ZNF69: variants seen among roughly 807,000 people sequenced by gnomAD.
ZNF69 encodes ZNF3.
ZNF69 carries 47 observed loss-of-function variants against 50.9 expected under a neutral mutation model. The ratio of observed to expected loss-of-function variants is 0.92; its 90% CI spans 0.73 to 1.18. ZNF69 has a LOEUF of 1.18. Among genes scored for constraint, ZNF69 ranks in the 50% most tolerant of loss-of-function variants. The pLI, the probability that ZNF69 is intolerant of heterozygous loss-of-function variation, is 0.00. For synonymous variants in ZNF69, 216 were observed against 223.1 expected (o/e 0.97, Z 0.29); for missense variants, 717 against 675.1 (o/e 1.06, Z -0.69).
the ZNF69 span, among the ~76,000 whole-genome samples, chr19:11,924,611 G>A: frequency 3.9e-5 from 6 of 152,098 alleles, no homozygotes; most frequent in African/African-American, 1.4e-4. Flanking sequence ...GATCTGAAAG[G>A]AGGAAGCATT....
intron 4 of ZNF69, among the ~76,000 whole-genome samples, chr19:11,912,166 A>T (rs1385048425): frequency 6.6e-6 from 1 of 152,172 alleles, no homozygotes; most frequent in Non-Finnish European, 1.5e-5. Flanking sequence ...TGTTGAATTC[A>T]TGAAAGGACA....
At chr19:11,897,842 A>C (rs1377339142) in intron 1 of ZNF69, among the ~76,000 whole-genome samples, 2 of 150,526 alleles carry the variant, frequency 1.3e-5, no homozygotes, top group African/African-American at 2.4e-5. Flanking sequence ...ACTGCACTCC[A>C]GCCTGGGTGA....
the ZNF69 span, among the ~76,000 whole-genome samples, chr19:11,968,131 C>T: frequency 1.3e-5 from 2 of 152,152 alleles, no homozygotes; most frequent in Non-Finnish European, 2.9e-5. Context: ...CAAGATGGAG[C>T]TGATTGGTCT....
At chr19:11,900,960 T>G (rs976691685) in intron 1 of ZNF69, among the ~76,000 whole-genome samples, 1 of 152,246 alleles carries the variant, frequency 6.6e-6, no homozygotes, top group African/African-American at 2.4e-5. Flanking sequence ...GCATTTTCCA[T>G]TTAAGTAAAT....
At chr19:11,926,776 G>A in the ZNF69 span, 3 of 154,138 alleles carry the variant, frequency 1.9e-5, no homozygotes, top group Non-Finnish European at 2.9e-5. Context: ...ATGCTTGATT[G>A]GTTGCAGAGA....
At chr19:11,978,210 G>A in the ZNF69 span, 26 of 1,613,638 alleles carry the variant, frequency 1.6e-5, no homozygotes, top group Non-Finnish European at 2.0e-5. Flanking sequence ...GAACTTCCAG[G>A]AGAAGAAAGC....
Position 11,906,331 on chromosome 19 carries a change from C to G in ZNF69, c.*233C>G. On this transcript the variant is annotated 3_prime_UTR_variant, in exon 4 of 4. Transcript: ENST00000429654. ...TGACAGCTTTGAAGAGAGTAGCAGTCCTCCCAGCATGGAGTTTGAGATCTA... is the reference window on the plus strand; with the variant it reads ...TGACAGCTTTGAAGAGAGTAGCAGTGCTCCCAGCATGGAGTTTGAGATCTA... The G allele has an allele frequency of 8.3e-7, 1 of 1,201,060 alleles. No homozygotes were observed. Among genetic ancestry groups the G allele is most frequent in the African/African-American group, 1.5e-5 (1 of 64,912 alleles). 74.4% of individuals were successfully genotyped at this position (1,201,060 alleles called of 1,614,324 possible). A position where few individuals can be genotyped will look rare whatever the true frequency, so the allele number is the denominator to read the frequency against.
At chr19:11,899,613 C>G (rs1461670387) in intron 1 of ZNF69, among the ~76,000 whole-genome samples, 2 of 152,046 alleles carry the variant, frequency 1.3e-5, no homozygotes, top group African/African-American at 4.8e-5. Flanking sequence ...CTGGTAGATA[C>G]AGTGTGAGAA....
the ZNF69 span, among the ~76,000 whole-genome samples, chr19:11,954,321 T>C: frequency 3.9e-5 from 6 of 152,208 alleles, no homozygotes; most frequent in African/African-American, 1.4e-4. Context: ...GACCTTTTTA[T>C]GCAGATGAAG....
the ZNF69 span, among the ~76,000 whole-genome samples, chr19:11,929,455 G>T: frequency 6.7e-6 from 1 of 148,352 alleles, no homozygotes; most frequent in African/African-American, 2.6e-5. Flanking sequence ...GAACCACTGC[G>T]CCCGGCCTGA....
chr19:11,948,332 C>T, the ZNF69 span: 1 of 1,613,864 alleles, frequency 6.2e-7, no homozygotes, highest in East Asian at 2.2e-5. Flanking sequence ...TGTGGAGAAA[C>T]TTTTACCCAG....
chr19:11,930,520 A>G, the ZNF69 span, among the ~76,000 whole-genome samples: 1 of 148,636 alleles, frequency 6.7e-6, no homozygotes, highest in Non-Finnish European at 1.5e-5. Context: ...AAGGTAACAT[A>G]TCAATATAAG....
the ZNF69 span, chr19:11,956,722 G>A: frequency 2.6e-6 from 1 of 389,134 alleles, no homozygotes; most frequent in Non-Finnish European, 4.5e-6. Context: ...CAGGTGTAGG[G>A]GCTCAAGCCT....
At chr19:11,903,449 A>G in intron 1 of ZNF69, 124 bp from the exon 2 acceptor site, 1 of 1,465,288 alleles carries the variant, frequency 6.8e-7, no homozygotes, top group Non-Finnish European at 9.2e-7. Context: ...AAGTATACAC[A>G]GGGAGAAAGA....
At chr19:11,977,309 T>C in the ZNF69 span, 10 of 1,606,072 alleles carry the variant, frequency 6.2e-6, no homozygotes, top group Non-Finnish European at 8.5e-6. Context: ...AGACATAGAA[T>C]CTAATAATTT....
chr19:11,938,089 G>C, the ZNF69 span, among the ~76,000 whole-genome samples: 830 of 151,954 alleles, frequency 5.5e-3, 6 homozygotes, highest in African/African-American at 0.02. Context: ...TTCGTTTGGA[G>C]ACGGAGTCTC....
the ZNF69 span, among the ~76,000 whole-genome samples, chr19:11,960,939 A>G: frequency 6.6e-6 from 1 of 152,100 alleles, no homozygotes; most frequent in African/African-American, 2.4e-5. Flanking sequence ...TCTTTTATAG[A>G]CTTCCATTTG....
the ZNF69 span, among the ~76,000 whole-genome samples, chr19:11,963,552 C>T: frequency 6.6e-6 from 1 of 152,142 alleles, no homozygotes; most frequent in African/African-American, 2.4e-5. Flanking sequence ...TGACTCTCTT[C>T]CCCCTCCTCA....
At chr19:11,909,046 C>G (rs567506463), downstream of ZNF69, among the ~76,000 whole-genome samples, 1 of 152,322 alleles carries the variant, frequency 6.6e-6, no homozygotes, top group Non-Finnish European at 1.5e-5. Flanking sequence ...ATAAATACCT[C>G]TATGGAAATA....
Sources: gnomAD v4.1 joint callset for allele counts (sites outside exome capture counted in the v4.1 genomes callset) on GRCh38, gnomAD v4.1.1 for gene constraint, MANE v1.5 for transcripts, NCBI Gene and HGNC (gene_info 2026-07-23, HGNC 2026-07-21) for gene names.